Variants in TAFA5 observed in about 807,000 individuals in gnomAD.
TAFA5 encodes TAFA chemokine like family member 5.
A neutral mutation model predicts 15.3 loss-of-function variants in TAFA5; 6 were observed. The observed-to-expected ratio is 0.39, with a 90% CI of 0.21 to 0.77. The LOEUF (loss-of-function observed/expected upper bound fraction) is 0.77, where lower values mean the gene tolerates loss of function less well. TAFA5 is among the 30% of genes least tolerant of loss of function. The pLI, the probability that TAFA5 is intolerant of heterozygous loss-of-function variation, is 0.41. For synonymous variants in TAFA5, 103 were observed against 80.7 expected (o/e 1.28, Z -1.48); for missense variants, 161 against 193.1 (o/e 0.83, Z 0.98).
At chr22:48,558,220 C>T (rs549841106) in intron 1 of TAFA5, among the ~76,000 whole-genome samples, 1 of 152,312 alleles carries the variant, frequency 6.6e-6, no homozygotes, top group South Asian at 2.1e-4. Flanking sequence ...TCCGTGGCTG[C>T]ATTATAACTG....
intron 2 of TAFA5, among the ~76,000 whole-genome samples, chr22:48,695,937 A>G (rs1436814447): frequency 1.3e-5 from 2 of 152,098 alleles, no homozygotes; most frequent in African/African-American, 4.8e-5. Flanking sequence ...CATCCTGCTG[A>G]CCACCACACA....
chr22:48,648,416 C>T (rs1214217287), intron 2 of TAFA5, among the ~76,000 whole-genome samples: 2 of 152,144 alleles, frequency 1.3e-5, no homozygotes, highest in Non-Finnish European at 2.9e-5. Flanking sequence ...ATTGAGAACA[C>T]GGGGTCAGGG....
At chr22:48,503,994 G>A (rs1019182447) in intron 1 of TAFA5, among the ~76,000 whole-genome samples, 4 of 152,194 alleles carry the variant, frequency 2.6e-5, no homozygotes, top group African/African-American at 7.2e-5. Context: ...AGCCAGGCTG[G>A]GACCCTGCTC....
At chr22:48,563,710 T>C (rs1486516735) in intron 1 of TAFA5, among the ~76,000 whole-genome samples, 2 of 152,190 alleles carry the variant, frequency 1.3e-5, no homozygotes, top group Non-Finnish European at 2.9e-5. Context: ...CCTGTTCTGC[T>C]ACCAGCGAGC....
chr22:48,558,647 A>G (rs1923121679), intron 1 of TAFA5, among the ~76,000 whole-genome samples: 1 of 152,222 alleles, frequency 6.6e-6, no homozygotes, highest in Non-Finnish European at 1.5e-5. Flanking sequence ...ACACCTCCAC[A>G]GTATCTTCCG....
intron 2 of TAFA5, among the ~76,000 whole-genome samples, chr22:48,652,771 G>A (rs961658690): frequency 6.6e-6 from 1 of 152,202 alleles, no homozygotes; most frequent in South Asian, 2.1e-4. Flanking sequence ...AGTACGCGAC[G>A]GAGACCAGCT....
chr22:48,638,345 A>C (rs1926529345), intron 1 of TAFA5, among the ~76,000 whole-genome samples: 1 of 62,140 alleles, frequency 1.6e-5, no homozygotes, highest in Admixed American at 2.0e-4. Context: ...GGCCACACAC[A>C]GGCAATACCA....
intron 1 of TAFA5, among the ~76,000 whole-genome samples, chr22:48,522,777 A>G (rs914061072): frequency 6.6e-6 from 1 of 152,190 alleles, no homozygotes; most frequent in African/African-American, 2.4e-5. Context: ...GGCCAACTGT[A>G]AGTCGGCCCA....
At chr22:48,546,464 A>G in intron 1 of TAFA5, 1 of 470,412 alleles carries the variant, frequency 2.1e-6, no homozygotes, top group Non-Finnish European at 4.4e-6. Flanking sequence ...TGTGGGGGAA[A>G]GAATCCCCTT....
chr22:48,664,735 G>A (rs1308864354), intron 2 of TAFA5, among the ~76,000 whole-genome samples: 5 of 152,006 alleles, frequency 3.3e-5, no homozygotes, highest in East Asian at 3.9e-4. Context: ...CCTTTCCCTC[G>A]TTACGTCTGT....
intron 1 of TAFA5, among the ~76,000 whole-genome samples, chr22:48,635,235 G>A (rs566738431): frequency 3.9e-5 from 6 of 152,340 alleles, no homozygotes; most frequent in African/African-American, 1.4e-4. Flanking sequence ...GGTCTGAGAG[G>A]TTGACGTGTG....
chr22:48,554,064 C>T (rs531018218), intron 1 of TAFA5, among the ~76,000 whole-genome samples: 24 of 152,362 alleles, frequency 1.6e-4, no homozygotes, highest in East Asian at 3.9e-4. Flanking sequence ...CCCAGGTCCT[C>T]GGGCGGCCGC....
intron 1 of TAFA5, among the ~76,000 whole-genome samples, chr22:48,545,970 G>A (rs1339588911): frequency 6.6e-6 from 1 of 152,208 alleles, no homozygotes; most frequent in African/African-American, 2.4e-5. Flanking sequence ...TGAGCCTCAA[G>A]CAGGTCCCAC....
intron 2 of TAFA5, among the ~76,000 whole-genome samples, chr22:48,665,571 G>A (rs73175124): frequency 0.057 from 8,632 of 152,112 alleles, 323 homozygotes; most frequent in African/African-American, 0.099. Context: ...GTATGAGATG[G>A]ATCTCAAGGC....
chr22:48,496,610 T>G lies in TAFA5; in HGVS notation c.112+6906T>G, dbSNP rs374246164. 3.9e-4 allele frequency among the ~76,000 whole-genome samples: 59 copies of G among 152,298 alleles called. 1 individual carries two copies. In the East Asian group the frequency reaches 9.7e-3, roughly 25 times the overall value. ...CCCACTTGTGGTAGGCGATGTCTTC[T>G]GACGTCACCCACTCCACCCAGAGCT... On this transcript the variant is annotated intron_variant, in intron 1 of 3. Transcript: ENST00000402357.
At chr22:48,611,502 G>A (rs185572553) in intron 1 of TAFA5, among the ~76,000 whole-genome samples, 140 of 152,278 alleles carry the variant, frequency 9.2e-4, no homozygotes, top group Non-Finnish European at 1.5e-3. Flanking sequence ...GATCTGTGGC[G>A]GGAGCTATGC....
chr22:48,545,779 C>T (rs1922643551), intron 1 of TAFA5: 1 of 152,456 alleles, frequency 6.6e-6, no homozygotes, highest in Non-Finnish European at 1.5e-5. Flanking sequence ...CGCCTGGGCA[C>T]CTGAGAGACC....
intron 1 of TAFA5, among the ~76,000 whole-genome samples, chr22:48,492,157 C>T (rs1928178021): frequency 6.9e-6 from 1 of 145,644 alleles, no homozygotes; most frequent in African/African-American, 2.5e-5. Flanking sequence ...ACCGATAAAG[C>T]AAATTAAATG....
intron 1 of TAFA5, among the ~76,000 whole-genome samples, chr22:48,509,449 T>C (rs1006933508): frequency 6.6e-6 from 1 of 152,222 alleles, no homozygotes; most frequent in Admixed American, 6.5e-5. Context: ...GGCTTCCCTT[T>C]TCTCTGAATC....
Sources: gnomAD v4.1 joint callset for allele counts (sites outside exome capture counted in the v4.1 genomes callset) on GRCh38, gnomAD v4.1.1 for gene constraint, MANE v1.5 for transcripts, NCBI Gene and HGNC (gene_info 2026-07-23, HGNC 2026-07-21) for gene names.